The following PLEKHM1 variants were observed in gnomAD, a reference collection of about 807,000 sequenced individuals.
PLEKHM1 encodes the protein pleckstrin homology domain-containing family M member 1.
A neutral mutation model predicts 94.3 loss-of-function variants in PLEKHM1; 28 were observed. That is an observed-to-expected ratio of 0.30 (90% CI 0.22 to 0.41). The LOEUF (loss-of-function observed/expected upper bound fraction) is 0.41. Among genes scored for constraint, PLEKHM1 ranks in the 10% least tolerant of loss-of-function variants. The probability of loss-of-function intolerance (pLI) is 1.00; values close to 1 mark genes in which losing one functional copy is unlikely to be tolerated. For synonymous variants in PLEKHM1, 424 were observed against 581.2 expected, an observed-to-expected ratio of 0.73 and a Z score of 3.89; for missense variants, 907 against 1,358.6, an observed-to-expected ratio of 0.67 and a Z score of 5.22.
At position 45,436,990 on chromosome 17, in the gene PLEKHM1, G is replaced by T. The variant is rs2050278028; in HGVS notation, c.*868C>A. 4.4e-6 allele frequency: 2 copies of T among 452,616 alleles called. No individual in the cohort carries two copies. The highest frequency in any genetic ancestry group is 8.9e-6 in the Non-Finnish European group (2 of 225,332). 28.0% of individuals were successfully genotyped at this position (452,616 alleles called of 1,614,324 possible). A position where few individuals can be genotyped will look rare whatever the true frequency, so the allele number is the denominator to read the frequency against. On this transcript the variant is annotated 3_prime_UTR_variant, in exon 12 of 12. Transcript: ENST00000430334. ...TGCAGCAGCGCCCCTGTCTGTAGAG[G>T]GGTGAGGAGCGCACGGGGATCGGGG...
At chr17:45,440,360 G>A in intron 9 of PLEKHM1, 134 bp from the exon 10 acceptor site, 1 of 860,390 alleles carries the variant, frequency 1.2e-6, no homozygotes, top group Admixed American at 2.0e-5. Context: ...GGCTAGGAGT[G>A]TAATTCGGCC....
chr17:45,434,469 CAG>C (rs1296981914), downstream of PLEKHM1: 3 of 152,134 alleles, frequency 2.0e-5, no homozygotes, highest in African/African-American at 7.2e-5. Context: ...TTTTTTAAGA[CAG>C]AGTCTCACTC....
Position 45,475,725 on chromosome 17 carries a change from G to A in PLEKHM1, c.298C>T (p.His100Tyr), listed in dbSNP as rs1236738588. 6.2e-7 allele frequency: 1 copy of A among 1,602,216 alleles called. No homozygotes were observed. Among genetic ancestry groups the A allele is most frequent in the Admixed American group, 1.7e-5 (1 of 57,988 alleles). ...AGGTGCTCCAACTCTGAGATGATGT[G>A]TCTGGGAAGGGAGAACAGACGTGTT... ...WPLLKAVTHK[H>Y]IISELEHLTF... The change falls in exon 4 of 12, where the codon CAC becomes TAC. Residue 100 changes from histidine (H) to tyrosine (Y), a missense_variant and splice_region_variant. Around this residue, in one of 3 missense-constraint regions of PLEKHM1, gnomAD observed 176 missense variants for 306.0 expected, o/e 0.58. Coordinates refer to ENST00000430334, the MANE Select transcript of PLEKHM1 (RefSeq NM_014798.3).
intron 6 of PLEKHM1, among the ~76,000 whole-genome samples, chr17:45,455,124 C>T (rs533870758): frequency 5.9e-5 from 9 of 152,086 alleles, no homozygotes; most frequent in Non-Finnish European, 1.2e-4. Context: ...AGTGAGACTC[C>T]GTCTCAACAA....
intron 2 of PLEKHM1, among the ~76,000 whole-genome samples, chr17:45,478,688 G>T (rs2051839917): frequency 1.3e-5 from 2 of 152,212 alleles, no homozygotes; most frequent in Non-Finnish European, 2.9e-5. Flanking sequence ...TCCTAGGCTG[G>T]GCGTGGTGGC....
In PLEKHM1 at chr17:45,454,082, A is replaced by G. The variant is rs2050868714; in HGVS notation, c.1770T>C (p.Ser590=). 10 of 1,614,090 alleles carry G rather than the reference A, an allele frequency of 6.2e-6. No individual in the cohort carries two copies. Among genetic ancestry groups the G allele is most frequent in the East Asian group, 2.2e-5 (1 of 44,898 alleles). The change falls in exon 7 of 12, where the codon AGT becomes AGC. Residue 590 remains serine, a synonymous_variant. Transcript: ENST00000430334. ...LRCESVGPAH[S]DGRFELVFSG... is the part of the protein sequence containing the mutation. ...AGAAGACCAGCTCAAAGCGCCCATC[A>G]CTATGGGCTGGCCCCACAGACTCAC...
intron 4 of PLEKHM1, among the ~76,000 whole-genome samples, chr17:45,474,131 A>G (rs1254105749): frequency 3.3e-5 from 5 of 150,506 alleles, no homozygotes; most frequent in Admixed American, 3.3e-4. Flanking sequence ...GTCTCAGCTC[A>G]CTGCAAGCTC....
In PLEKHM1 at chr17:45,445,245, G is replaced by A. The variant is rs535226037; in HGVS notation, c.2837+225C>T. ...AGGTGGACGCCTTGCCCTGGGCACT[G>A]CCCCTGTGTGTGTGTGCATGTGCAC... On this transcript the variant is annotated intron_variant, in intron 9 of 11. Coordinates refer to ENST00000430334, the MANE Select transcript of PLEKHM1 (RefSeq NM_014798.3). This position sits in a 1 kb window ranked among gnomAD's most constrained non-coding sequence, Gnocchi z 4.2. Among the ~76,000 whole-genome samples, 7 of 152,374 alleles carry A rather than the reference G, an allele frequency of 4.6e-5. No homozygotes were observed. The South Asian group carries it at 1.0e-3, about 23-fold the overall frequency.
At chr17:45,459,809 A>G (rs559783197) in intron 5 of PLEKHM1, 1 of 123,096 alleles carries the variant, frequency 8.1e-6, no homozygotes, top group East Asian at 2.1e-4. Context: ...ACTGAAATCC[A>G]TTGTCTGTCT....
downstream of PLEKHM1, among the ~76,000 whole-genome samples, chr17:45,435,165 G>A (rs1487158847): frequency 2.0e-5 from 3 of 152,110 alleles, no homozygotes; most frequent in Non-Finnish European, 4.4e-5. Flanking sequence ...GGGAGGTGAA[G>A]CCCTTGGGGG....
chr17:45,483,918 A>C (rs1373519866), intron 1 of PLEKHM1, among the ~76,000 whole-genome samples: 1 of 152,194 alleles, frequency 6.6e-6, no homozygotes, highest in Non-Finnish European at 1.5e-5. Context: ...AAGCTCCCCA[A>C]CTGCCTGAAT....
chr17:45,461,903 T>C (rs2051162691), intron 5 of PLEKHM1, among the ~76,000 whole-genome samples: 1 of 152,204 alleles, frequency 6.6e-6, no homozygotes, highest in African/African-American at 2.4e-5. Context: ...TCCCTGGCAT[T>C]CTGTGCCTCA....
Position 45,445,471 on chromosome 17 carries a change from T to G in PLEKHM1, c.2836A>C (p.Arg946=). Residue 946 remains arginine, a splice_region_variant and synonymous_variant, in exon 9 of 12, where the codon AGG becomes CGG. Transcript: ENST00000430334. The surrounding 1 kb of genome is among the most constrained non-coding windows in gnomAD (Gnocchi z 4.2). ...CGCATACACGTAGAGGTTGCTCACC[T>G]CTTGCTGAGCTCCTTCAGGGCGCCA... ...RSGALKELSK[R]LNHRNYLLES... 4 of 1,612,810 alleles carry G rather than the reference T, an allele frequency of 2.5e-6. No homozygotes were observed. The South Asian group carries it at 4.4e-5, about 18-fold the overall frequency.
intron 2 of PLEKHM1, among the ~76,000 whole-genome samples, chr17:45,480,519 C>A (rs1473734255): frequency 6.6e-6 from 1 of 151,442 alleles, no homozygotes; most frequent in African/African-American, 2.4e-5. Context: ...AAAAAACAAA[C>A]AAAAAAAACG....
intron 5 of PLEKHM1, among the ~76,000 whole-genome samples, chr17:45,466,010 G>C (rs1389052594): frequency 6.6e-6 from 1 of 152,080 alleles, no homozygotes; most frequent in Non-Finnish European, 1.5e-5. Flanking sequence ...TTCCTCTTCA[G>C]CCTTCAGCTT....
At chr17:45,440,331 C>T (rs1428718530) in intron 9 of PLEKHM1, 105 bp from the exon 10 acceptor site, 2 of 1,162,454 alleles carry the variant, frequency 1.7e-6, no homozygotes, top group Admixed American at 3.6e-5. Flanking sequence ...GCAGACACCC[C>T]CCGCCTGGGC....
intron 11 of PLEKHM1, 138 bp downstream of exon 11, chr17:45,439,339 C>G (rs1298683994): frequency 2.1e-6 from 2 of 970,140 alleles, no homozygotes; most frequent in South Asian, 3.0e-5. Flanking sequence ...AACTGCACCA[C>G]CCCTTGGCAC....
At chr17:45,438,144 C>T (rs1480724708) in intron 11 of PLEKHM1, among the ~76,000 whole-genome samples, 175 bp from the exon 12 acceptor site, 2 of 152,238 alleles carry the variant, frequency 1.3e-5, no homozygotes, top group Non-Finnish European at 2.9e-5. Flanking sequence ...ACAGTGCTTA[C>T]CCATACGTCA....
intron 1 of PLEKHM1, among the ~76,000 whole-genome samples, chr17:45,489,434 C>T (rs1328968167): frequency 6.6e-6 from 1 of 152,210 alleles, no homozygotes; most frequent in African/African-American, 2.4e-5. Context: ...AGAACACCAA[C>T]CAGAAGGAAG....
Sources: allele counts gnomAD v4.1 joint callset (sites outside exome capture counted in the v4.1 genomes callset), GRCh38; gene constraint gnomAD v4.1.1; regional missense constraint gnomAD v4.1.1; non-coding constraint Gnocchi (gnomAD v3.1); transcripts MANE v1.5; gene names NCBI Gene and HGNC (gene_info 2026-07-23, HGNC 2026-07-21).